The following GALNT14 variants were observed in gnomAD, a reference collection of about 807,000 sequenced individuals.
GALNT14 encodes polypeptide N-acetylgalactosaminyltransferase 14.
In GALNT14, 60 loss-of-function variants were observed where a neutral mutation model predicts 77.5. The ratio of observed to expected loss-of-function variants is 0.77; its 90% confidence interval spans 0.63 to 0.96. The LOEUF (loss-of-function observed/expected upper bound fraction) is 0.96. GALNT14 is among the 40% of genes least tolerant of loss of function. The pLI is 0.00. For missense variants in GALNT14, 710 were observed against 731.0 expected, an observed-to-expected ratio of 0.97 and a Z score of 0.33; for synonymous variants, 280 against 281.7, an observed-to-expected ratio of 0.99 and a Z score of 0.06.
downstream of GALNT14, among the ~76,000 whole-genome samples, chr2:30,909,384 C>T (rs994305508): frequency 2.0e-5 from 3 of 151,944 alleles, no homozygotes; most frequent in African/African-American, 7.3e-5. Flanking sequence ...ACAACCCCAT[C>T]AAAAAGTGGG....
chr2:31,086,064 C>G (rs568430969), intron 1 of GALNT14, among the ~76,000 whole-genome samples: 1 of 152,326 alleles, frequency 6.6e-6, no homozygotes, highest in South Asian at 2.1e-4. Flanking sequence ...CCAGGTCCCT[C>G]CTATGACATG....
intron 1 of GALNT14, among the ~76,000 whole-genome samples, chr2:31,036,290 T>C (rs1048546904): frequency 1.3e-5 from 2 of 152,220 alleles, no homozygotes; most frequent in African/African-American, 4.8e-5. Context: ...CTATTTTTTT[T>C]ACTTATTTTC....
intron 2 of GALNT14, among the ~76,000 whole-genome samples, chr2:30,973,691 C>T (rs12611898): frequency 0.16 from 24,005 of 152,236 alleles, 2,006 homozygotes; most frequent in East Asian, 0.29. Context: ...ATGGGCAACA[C>T]TGATACACTG....
At chr2:30,993,897 T>C (rs1669868245) in intron 1 of GALNT14, among the ~76,000 whole-genome samples, 1 of 152,108 alleles carries the variant, frequency 6.6e-6, no homozygotes, top group African/African-American at 2.4e-5. Context: ...GGCTGCCTAG[T>C]GTGGGTCTGC....
intron 1 of GALNT14, chr2:31,078,996 A>G: frequency 2.3e-6 from 3 of 1,288,958 alleles, no homozygotes; most frequent in Non-Finnish European, 3.0e-6. Flanking sequence ...GGGGAGCTAC[A>G]GTGGGCTGCT....
intron 1 of GALNT14, among the ~76,000 whole-genome samples, chr2:30,996,172 C>A (rs1386924545): frequency 6.6e-6 from 1 of 152,190 alleles, no homozygotes; most frequent in African/African-American, 2.4e-5. Flanking sequence ...TGCCTGGGCA[C>A]CCTGTGGCCC....
chr2:30,979,211 G>A (rs77190437), intron 2 of GALNT14, among the ~76,000 whole-genome samples: 575 of 152,332 alleles, frequency 3.8e-3, no homozygotes, highest in African/African-American at 0.013. Flanking sequence ...TCACCCAGAC[G>A]AGAGGGGGCA....
chr2:30,893,579 C>A, the GALNT14 span, among the ~76,000 whole-genome samples: 5 of 152,260 alleles, frequency 3.3e-5, no homozygotes, highest in South Asian at 1.0e-3. Context: ...CCTTATCTAC[C>A]ATGGCATGAA....
chr2:30,917,237 C>A (rs919525717), intron 13 of GALNT14, among the ~76,000 whole-genome samples: 1 of 152,144 alleles, frequency 6.6e-6, no homozygotes, highest in African/African-American at 2.4e-5. Flanking sequence ...ACTCAGCGGA[C>A]CTCTGGCAGT....
the GALNT14 span, among the ~76,000 whole-genome samples, chr2:30,901,775 C>T: frequency 1.3e-5 from 2 of 152,072 alleles, no homozygotes; most frequent in Admixed American, 1.3e-4. Flanking sequence ...CATACTGTTT[C>T]CACTACCAGA....
At chr2:31,031,375 T>A (rs1672400435) in intron 1 of GALNT14, among the ~76,000 whole-genome samples, 1 of 152,186 alleles carries the variant, frequency 6.6e-6, no homozygotes, top group Non-Finnish European at 1.5e-5. Flanking sequence ...CTGAGATTAC[T>A]GGACCATTAT....
At chr2:31,009,499 C>T (rs987518419) in intron 1 of GALNT14, among the ~76,000 whole-genome samples, 5 of 152,186 alleles carry the variant, frequency 3.3e-5, no homozygotes, top group African/African-American at 1.2e-4. Flanking sequence ...AGGTGACTTC[C>T]TCCATTCCTG....
intron 1 of GALNT14, among the ~76,000 whole-genome samples, chr2:31,042,521 T>G (rs1294808527): frequency 6.6e-6 from 1 of 152,168 alleles, no homozygotes; most frequent in African/African-American, 2.4e-5. Context: ...CCAGCTCCTC[T>G]TTCATCCCTG....
chr2:30,959,958 G>A (rs941312252), intron 3 of GALNT14, among the ~76,000 whole-genome samples: 1 of 152,190 alleles, frequency 6.6e-6, no homozygotes, highest in Non-Finnish European at 1.5e-5. Flanking sequence ...CTCCTCCCAG[G>A]AGGACCCTTC....
At chr2:31,036,987 C>G (rs1012337431) in intron 1 of GALNT14, among the ~76,000 whole-genome samples, 1 of 152,110 alleles carries the variant, frequency 6.6e-6, no homozygotes, top group South Asian at 2.1e-4. Context: ...TTTATCCTGT[C>G]TGGAGTCTGT....
At chr2:30,933,666 G>T (rs6757404) in intron 9 of GALNT14, among the ~76,000 whole-genome samples, 1 of 152,018 alleles carries the variant, frequency 6.6e-6, no homozygotes, top group South Asian at 2.1e-4. Context: ...AGGAGGAAGA[G>T]AGCACTTCTC....
chr2:31,078,620 C>T (rs72854891), intron 1 of GALNT14, among the ~76,000 whole-genome samples: 1 of 152,224 alleles, frequency 6.6e-6, no homozygotes, highest in African/African-American at 2.4e-5. Context: ...TTGTGCTGTG[C>T]CTGGCTGATG....
Position 30,920,630 on chromosome 2 carries a change from TACACACACAC to T in GALNT14, c.1380+3479_1380+3488del, listed in dbSNP as rs140659655. ...AAGTCAGTCCTATGAGAGTGTATGC[TACACACACAC>T]ACACACACACACACACACACACATA... On this transcript the variant is annotated intron_variant, in intron 13 of 14. Transcript: ENST00000349752. Among the ~76,000 whole-genome samples the T allele has an allele frequency of 5.0e-3, 721 of 145,194 alleles. 7 individuals are homozygous for T. The highest frequency in any genetic ancestry group is 0.017 in the African/African-American group (681 of 39,572).
At chr2:30,933,542 A>T (rs181990854) in intron 9 of GALNT14, among the ~76,000 whole-genome samples, 325 of 152,174 alleles carry the variant, frequency 2.1e-3, no homozygotes, top group African/African-American at 7.5e-3. Context: ...CTGAGGTAAG[A>T]CTTCTTTCAC....
Sources: gnomAD v4.1 joint callset for allele counts (sites outside exome capture counted in the v4.1 genomes callset) on GRCh38, gnomAD v4.1.1 for gene constraint, MANE v1.5 for transcripts, NCBI Gene and HGNC (gene_info 2026-07-23, HGNC 2026-07-21) for gene names.